The following MEIS1 variants were observed in gnomAD, a reference collection of about 807,000 sequenced individuals.
The protein encoded by MEIS1 is homeobox protein Meis1.
Under a neutral mutation model 50.8 loss-of-function variants are expected in MEIS1, and 5 were observed. That is an observed-to-expected ratio of 0.10 (90% CI 0.05 to 0.21). The LOEUF (loss-of-function observed/expected upper bound fraction) is 0.21. Among genes scored for constraint, MEIS1 ranks in the 10% least tolerant of loss-of-function variants. The probability of loss-of-function intolerance (pLI) is 1.00; values close to 1 mark genes in which losing one functional copy is unlikely to be tolerated. For synonymous variants in MEIS1, 176 were observed against 179.3 expected (o/e 0.98, Z 0.15); for missense variants, 318 against 517.3 (o/e 0.61, Z 3.74).
At chr2:66,524,698 A>ATT (rs66484955) in intron 8 of MEIS1, among the ~76,000 whole-genome samples, 2 of 152,000 alleles carry the variant, frequency 1.3e-5, no homozygotes, top group African/African-American at 4.8e-5. Context: ...AAGCCTTTAA[A>ATT]TTTTTTTTCA....
chr2:66,486,146 G>T (rs1319567393), intron 7 of MEIS1, among the ~76,000 whole-genome samples: 1 of 152,074 alleles, frequency 6.6e-6, no homozygotes, highest in African/African-American at 2.4e-5. Flanking sequence ...CATTGCTTTT[G>T]GTGTTTTAGT....
intron 7 of MEIS1, among the ~76,000 whole-genome samples, chr2:66,495,098 T>C (rs891418963): frequency 4.0e-5 from 6 of 149,378 alleles, no homozygotes; most frequent in Admixed American, 6.7e-5. Flanking sequence ...TTTTTTTTTT[T>C]TTTTTTTTTT....
At chr2:66,525,769 T>C (rs961386758) in intron 8 of MEIS1, among the ~76,000 whole-genome samples, 5 of 152,208 alleles carry the variant, frequency 3.3e-5, no homozygotes, top group Admixed American at 6.5e-5. Context: ...ATACAGAATG[T>C]TGTGGTTCAC....
intron 7 of MEIS1, among the ~76,000 whole-genome samples, chr2:66,506,115 A>G (rs1673679625): frequency 1.3e-5 from 2 of 152,222 alleles, no homozygotes; most frequent in Non-Finnish European, 2.9e-5. Flanking sequence ...AGAGAGGTGC[A>G]TGACTTGGTT....
chr2:66,443,632 C>T (rs1463619533), intron 6 of MEIS1: 2 of 152,408 alleles, frequency 1.3e-5, no homozygotes, highest in African/African-American at 4.8e-5. Context: ...CAAGCTCACC[C>T]ATTTTATTGT....
chr2:66,460,861 A>G (rs1160522854), intron 6 of MEIS1, among the ~76,000 whole-genome samples: 2 of 152,164 alleles, frequency 1.3e-5, no homozygotes, highest in Non-Finnish European at 2.9e-5. Context: ...TCTGATAAAA[A>G]GTTTTGAACC....
chr2:66,543,211 T>C (rs577800027), intron 8 of MEIS1, among the ~76,000 whole-genome samples: 1 of 152,304 alleles, frequency 6.6e-6, no homozygotes, highest in South Asian at 2.1e-4. Flanking sequence ...TTCTCAGACA[T>C]CCTTTAACTA....
intron 1 of MEIS1, 66 bp downstream of exon 1, chr2:66,435,934 C>T (rs2103667058): frequency 6.9e-7 from 1 of 1,446,568 alleles, no homozygotes; most frequent in Admixed American, 2.7e-5. Flanking sequence ...CCGAAAGACA[C>T]TGCTAAAAAG....
In MEIS1 at chr2:66,466,908, C is replaced by G. The variant is rs539634636; in HGVS notation, c.742+2688C>G. Among the ~76,000 whole-genome samples, 89 of 150,734 alleles carry G rather than the reference C, an allele frequency of 5.9e-4. 1 individual carries two copies. In the East Asian group the frequency reaches 8.7e-3, roughly 15 times the overall value. Reference sequence around the variant, plus strand: ...CATTTCTTTTTTCCTCATTCCTTTTCCATTTTTACCACTTCATTATGGCAC... The same window carrying G: ...CATTTCTTTTTTCCTCATTCCTTTTGCATTTTTACCACTTCATTATGGCAC... On this transcript the variant is annotated intron_variant, in intron 7 of 12. Coordinates refer to ENST00000272369, the MANE Select transcript of MEIS1 (RefSeq NM_002398.3).
At chr2:66,454,144 G>A (rs1199155482) in intron 6 of MEIS1, among the ~76,000 whole-genome samples, 1 of 151,986 alleles carries the variant, frequency 6.6e-6, no homozygotes, top group Non-Finnish European at 1.5e-5. Flanking sequence ...AAATAAAAGT[G>A]CATCTAAAAC....
At chr2:66,571,203 C>G (rs1675478426) in intron 12 of MEIS1, 43 bp from the exon 13 acceptor site, 1 of 1,539,432 alleles carries the variant, frequency 6.5e-7, no homozygotes, top group Non-Finnish European at 8.7e-7. Context: ...ATTGCTTTTT[C>G]ATAACATTTT....
chr2:66,506,591 T>C (rs1177371194), intron 7 of MEIS1, among the ~76,000 whole-genome samples: 1 of 152,084 alleles, frequency 6.6e-6, no homozygotes, highest in Non-Finnish European at 1.5e-5. Context: ...AGGCAAAGGG[T>C]AGCCACCAAA....
intron 8 of MEIS1, among the ~76,000 whole-genome samples, chr2:66,534,729 C>G (rs565436160): frequency 3.9e-5 from 6 of 152,128 alleles, no homozygotes; most frequent in African/African-American, 1.4e-4. Context: ...GTGTAATTAG[C>G]AACCTTAAGT....
intron 7 of MEIS1, among the ~76,000 whole-genome samples, chr2:66,493,144 A>T (rs958719487): frequency 6.6e-6 from 1 of 152,238 alleles, no homozygotes; most frequent in African/African-American, 2.4e-5. Flanking sequence ...TTTGCTTAAG[A>T]TATCAGCTGC....
intron 7 of MEIS1, among the ~76,000 whole-genome samples, chr2:66,500,889 G>A (rs1385073615): frequency 6.6e-6 from 1 of 152,150 alleles, no homozygotes; most frequent in Non-Finnish European, 1.5e-5. Flanking sequence ...TAATATAGAA[G>A]TTTAAAACTA....
intron 9 of MEIS1, among the ~76,000 whole-genome samples, chr2:66,557,111 T>C (rs1353457680): frequency 1.2e-4 from 19 of 152,168 alleles, no homozygotes; most frequent in Non-Finnish European, 2.8e-4. Flanking sequence ...ATTAAAATTT[T>C]AGAAACCCTA....
intron 9 of MEIS1, among the ~76,000 whole-genome samples, chr2:66,561,797 T>G (rs1472813067): frequency 6.6e-6 from 1 of 152,198 alleles, no homozygotes; most frequent in Non-Finnish European, 1.5e-5. Flanking sequence ...ACCACTATCC[T>G]GCTGACAGTT....
chr2:66,530,911 T>C (rs867418179), intron 8 of MEIS1, among the ~76,000 whole-genome samples: 1 of 152,254 alleles, frequency 6.6e-6, no homozygotes, highest in African/African-American at 2.4e-5. Flanking sequence ...AAAGTTGTTA[T>C]TGATAACCTT....
At chr2:66,543,861 G>C (rs542481867) in intron 8 of MEIS1, among the ~76,000 whole-genome samples, 47 of 152,296 alleles carry the variant, frequency 3.1e-4, no homozygotes, top group African/African-American at 9.6e-4. Flanking sequence ...CACAACAAAG[G>C]CGAGGTCTCC....
Sources: allele counts gnomAD v4.1 joint callset (sites outside exome capture counted in the v4.1 genomes callset), GRCh38; gene constraint gnomAD v4.1.1; transcripts MANE v1.5; gene names NCBI Gene and HGNC (gene_info 2026-07-23, HGNC 2026-07-21).